The following RPSA2 variants were observed in gnomAD, a reference collection of about 807,000 sequenced individuals.
The protein encoded by RPSA2 is ribosomal protein SA 2.
chr19:23,869,962 C>G, the RPSA2 span, among the ~76,000 whole-genome samples: 1 of 152,310 alleles, frequency 6.6e-6, no homozygotes, highest in South Asian at 2.1e-4. Context: ...GACCTTAAAT[C>G]TTGCTGGTTA....
chr19:23,810,549 G>T, the RPSA2 span, among the ~76,000 whole-genome samples: 5 of 152,128 alleles, frequency 3.3e-5, no homozygotes, highest in Admixed American at 3.3e-4. Flanking sequence ...TGCATATGGT[G>T]TTCTTTATAT....
At chr19:23,766,266 C>G in the RPSA2 span, among the ~76,000 whole-genome samples, 1 of 150,874 alleles carries the variant, frequency 6.6e-6, no homozygotes, top group African/African-American at 2.4e-5. Flanking sequence ...GATTCTCCCA[C>G]CGCAGCCTCC....
At chr19:23,820,434 A>G in the RPSA2 span, among the ~76,000 whole-genome samples, 1 of 152,174 alleles carries the variant, frequency 6.6e-6, no homozygotes, top group African/African-American at 2.4e-5. Flanking sequence ...CCTGTCACTT[A>G]GAGAGTAACT....
the RPSA2 span, among the ~76,000 whole-genome samples, chr19:23,848,040 T>G: frequency 6.6e-6 from 1 of 152,194 alleles, no homozygotes; most frequent in African/African-American, 2.4e-5. Context: ...GATTTCGTAT[T>G]GTTCAAACAC....
chr19:23,765,111 GTATAC>G, the RPSA2 span, among the ~76,000 whole-genome samples: 3 of 152,234 alleles, frequency 2.0e-5, no homozygotes, highest in Non-Finnish European at 4.4e-5. Context: ...AAATTTCCTT[GTATAC>G]TATTTGTCTA....
the RPSA2 span, among the ~76,000 whole-genome samples, chr19:23,861,395 C>G: frequency 6.6e-6 from 1 of 152,120 alleles, no homozygotes. Flanking sequence ...CCCCCACTAC[C>G]CACCACACAG....
chr19:23,862,816 C>A, the RPSA2 span, among the ~76,000 whole-genome samples: 10 of 150,844 alleles, frequency 6.6e-5, no homozygotes, highest in Non-Finnish European at 1.3e-4. Flanking sequence ...TAATAGCTGG[C>A]TGCCTCTCTG....
At chr19:23,765,851 G>A in the RPSA2 span, among the ~76,000 whole-genome samples, 1 of 152,278 alleles carries the variant, frequency 6.6e-6, no homozygotes, top group East Asian at 1.9e-4. Context: ...CACCTATTAT[G>A]TATCAGAAAT....
chr19:23,789,809 C>T, the RPSA2 span, among the ~76,000 whole-genome samples: 3 of 151,448 alleles, frequency 2.0e-5, no homozygotes, highest in African/African-American at 7.3e-5. Context: ...TCCTGAGTAG[C>T]TGGGACTACA....
chr19:23,813,537 T>C, the RPSA2 span, among the ~76,000 whole-genome samples: 1 of 151,900 alleles, frequency 6.6e-6, no homozygotes, highest in African/African-American at 2.4e-5. Flanking sequence ...ATTTTTAAGA[T>C]TTTTTTTAAG....
chr19:23,795,515 A>G, the RPSA2 span, among the ~76,000 whole-genome samples: 1 of 151,878 alleles, frequency 6.6e-6, no homozygotes, highest in Non-Finnish European at 1.5e-5. Flanking sequence ...ATTTTTGTAC[A>G]TTTATTTTGT....
At chr19:23,821,559 G>A in the RPSA2 span, among the ~76,000 whole-genome samples, 2 of 152,294 alleles carry the variant, frequency 1.3e-5, no homozygotes, top group African/African-American at 2.4e-5. Flanking sequence ...GAAGGAACCC[G>A]GTTGGTCCTA....
the RPSA2 span, among the ~76,000 whole-genome samples, chr19:23,777,583 T>G: frequency 6.6e-6 from 1 of 150,946 alleles, no homozygotes; most frequent in Non-Finnish European, 1.5e-5. Context: ...GCCCACAGGA[T>G]GCTTTGTGGC....
At chr19:23,831,431 T>C in the RPSA2 span, among the ~76,000 whole-genome samples, 1 of 152,196 alleles carries the variant, frequency 6.6e-6, no homozygotes, top group South Asian at 2.1e-4. Flanking sequence ...TGGGTCTGTA[T>C]ATTTTAGTTA....
chr19:23,782,307 T>G, the RPSA2 span: 6 of 152,198 alleles, frequency 3.9e-5, no homozygotes, highest in African/African-American at 7.2e-5. Flanking sequence ...GAAAAGAGAT[T>G]ATGACATATG....
At chr19:23,775,521 G>A in the RPSA2 span, among the ~76,000 whole-genome samples, 2 of 152,186 alleles carry the variant, frequency 1.3e-5, no homozygotes, top group Non-Finnish European at 2.9e-5. Flanking sequence ...GTGGTACAGA[G>A]AGTGTTCTAA....
the RPSA2 span, among the ~76,000 whole-genome samples, chr19:23,780,677 A>C: frequency 6.6e-6 from 1 of 152,154 alleles, no homozygotes; most frequent in Non-Finnish European, 1.5e-5. Context: ...AAAACTGACT[A>C]TCATTTGTGA....
At chr19:23,781,051 T>G in the RPSA2 span, among the ~76,000 whole-genome samples, 2 of 152,214 alleles carry the variant, frequency 1.3e-5, no homozygotes, top group African/African-American at 4.8e-5. Context: ...CTCGGCTCAC[T>G]GCAACCTCCA....
the RPSA2 span, chr19:23,758,907 C>T: frequency 3.1e-6 from 3 of 958,272 alleles, no homozygotes; most frequent in South Asian, 3.1e-5. Context: ...CCCCGCCAAT[C>T]CCGGAAGCCG....
Sources: allele counts gnomAD v4.1 joint callset (sites outside exome capture counted in the v4.1 genomes callset), GRCh38; gene constraint gnomAD v4.1.1; transcripts MANE v1.5; gene names NCBI Gene and HGNC (gene_info 2026-07-23, HGNC 2026-07-21).